SCAMP1: variants seen among roughly 807,000 people sequenced by gnomAD.
The protein encoded by SCAMP1 is secretory carrier membrane protein 1, also known as secretory carrier-associated membrane protein 1.
A neutral mutation model predicts 41.8 loss-of-function variants in SCAMP1; 15 were observed. That is an observed-to-expected ratio of 0.36 (90% CI 0.24 to 0.55). The LOEUF is 0.55. Ranked by LOEUF, SCAMP1 falls within the 20% of genes least tolerant of loss-of-function variation. The pLI is 0.86. For synonymous variants in SCAMP1, 135 were observed against 136.8 expected, an observed-to-expected ratio of 0.99 and a Z score of 0.09; for missense variants, 341 against 412.6, an observed-to-expected ratio of 0.83 and a Z score of 1.50.
intron 6 of SCAMP1, among the ~76,000 whole-genome samples, chr5:78,426,092 G>C (rs1414769661): frequency 1.1e-4 from 16 of 152,110 alleles, no homozygotes. Flanking sequence ...ATGGCTTCCA[G>C]ATTCCTCCAT....
chr5:78,479,813 T>C lies in SCAMP1; in HGVS notation c.*4145T>C, dbSNP rs370090602. Among the ~76,000 whole-genome samples the C allele has an allele frequency of 7.1e-4, 108 of 152,086 alleles. 2 individuals are homozygous for C. In the East Asian group the frequency reaches 0.016, roughly 23 times the overall value. Reference sequence around the variant, plus strand: ...ATCCCAGCACTTTGGGAGGCCAAGGTGGGCGGATCACGAGGTCAGGAGATC... The same window carrying C: ...ATCCCAGCACTTTGGGAGGCCAAGGCGGGCGGATCACGAGGTCAGGAGATC... On this transcript the variant is annotated 3_prime_UTR_variant, in exon 9 of 9. Transcript: ENST00000621999.
At chr5:78,413,068 G>T (rs6453388) in intron 2 of SCAMP1, among the ~76,000 whole-genome samples, 1 of 152,094 alleles carries the variant, frequency 6.6e-6, no homozygotes, top group Admixed American at 6.5e-5. Context: ...CCCTGAAAGT[G>T]TTTAAGTTTT....
intron 8 of SCAMP1, among the ~76,000 whole-genome samples, chr5:78,465,876 T>C (rs951927310): frequency 6.6e-6 from 1 of 152,212 alleles, no homozygotes; most frequent in Admixed American, 6.5e-5. Context: ...AGTTGTGTTC[T>C]TAAGGCCTTT....
intron 2 of SCAMP1, among the ~76,000 whole-genome samples, chr5:78,399,691 C>A (rs1301616236): frequency 6.6e-6 from 1 of 152,176 alleles, no homozygotes; most frequent in Non-Finnish European, 1.5e-5. Context: ...GTTCTTGTAT[C>A]TTTTGGATAA....
At chr5:78,364,496 C>G (rs1211434438) in intron 1 of SCAMP1, among the ~76,000 whole-genome samples, 1 of 152,078 alleles carries the variant, frequency 6.6e-6, no homozygotes, top group Non-Finnish European at 1.5e-5. Context: ...ACAAAGCCCA[C>G]AGAGGCACAC....
intron 2 of SCAMP1, among the ~76,000 whole-genome samples, chr5:78,395,409 C>A (rs1368634950): frequency 6.6e-6 from 1 of 152,178 alleles, no homozygotes; most frequent in East Asian, 1.9e-4. Flanking sequence ...TTATCCCCTT[C>A]AATGGATCCA....
Position 78,388,859 on chromosome 5 carries a change from C to T in SCAMP1, c.80C>T (p.Thr27Ile). 1 of 1,552,582 alleles carries T rather than the reference C, an allele frequency of 6.4e-7. No individual in the cohort carries two copies. The highest frequency in any genetic ancestry group is 8.9e-7 in the Non-Finnish European group (1 of 1,129,210). ...PFKDPSVTQVTRNVPPGLDEY... is the reference protein window; with the variant it reads ...PFKDPSVTQVIRNVPPGLDEY... ...TAGGATCCATCAGTTACACAAGTGACAAGAAATGTTCCACCAGGACTTGAT... is the reference window on the plus strand; with the variant it reads ...TAGGATCCATCAGTTACACAAGTGATAAGAAATGTTCCACCAGGACTTGAT... The change falls in exon 2 of 9, where the codon ACA (threonine) becomes ATA (isoleucine). Residue 27 changes from threonine (T) to isoleucine (I), a missense_variant. Thr to Ile is a moderately conservative substitution (Grantham distance 89). Transcript: ENST00000621999.
chr5:78,360,895 A>C, intron 1 of SCAMP1, 167 bp downstream of exon 1: 3 of 652,262 alleles, frequency 4.6e-6, no homozygotes, highest in East Asian at 3.0e-5. Context: ...GCCCCGTGTC[A>C]CTCCTTTGGG....
intron 1 of SCAMP1, among the ~76,000 whole-genome samples, chr5:78,365,399 G>A (rs1333693990): frequency 6.0e-5 from 9 of 149,214 alleles, no homozygotes; most frequent in Non-Finnish European, 1.0e-4. Context: ...GCTTGAACCT[G>A]GGAGGTGGAG....
At chr5:78,464,922 G>T (rs1180789181) in intron 8 of SCAMP1, among the ~76,000 whole-genome samples, 1 of 152,140 alleles carries the variant, frequency 6.6e-6, no homozygotes. Context: ...TTCTATTCTT[G>T]TCAGACTGTA....
intron 3 of SCAMP1, among the ~76,000 whole-genome samples, chr5:78,416,018 T>C (rs1319409432): frequency 1.3e-5 from 2 of 152,232 alleles, no homozygotes; most frequent in African/African-American, 4.8e-5. Flanking sequence ...ATTAATAAGA[T>C]GCCTGATAGC....
At chr5:78,411,475 T>TC (rs1752075282) in intron 2 of SCAMP1, among the ~76,000 whole-genome samples, 1 of 152,166 alleles carries the variant, frequency 6.6e-6, no homozygotes, top group Admixed American at 6.5e-5. Context: ...CCAGAAATAA[T>TC]CCCTATTAAC....
At chr5:78,410,241 A>T (rs555395793) in intron 2 of SCAMP1, among the ~76,000 whole-genome samples, 28 of 151,956 alleles carry the variant, frequency 1.8e-4, no homozygotes, top group African/African-American at 6.8e-4. Context: ...CTAAGTATTA[A>T]ACCCAGCATT....
intron 1 of SCAMP1, among the ~76,000 whole-genome samples, chr5:78,387,760 G>C (rs925734574): frequency 1.3e-5 from 2 of 152,142 alleles, no homozygotes; most frequent in African/African-American, 4.8e-5. Flanking sequence ...GAGCTACTGG[G>C]CTCTGGGCTG....
Position 78,395,910 on chromosome 5 carries a change from A to G in SCAMP1, c.135+6996A>G, listed in dbSNP as rs142869298. On this transcript the variant is annotated intron_variant, in intron 2 of 8. Transcript: ENST00000621999. ...TTCTCTTGGTTAGAAGCATGTCACA[A>G]GTGCTGTATGCACTCAAGGGAAGGG... Among the ~76,000 whole-genome samples the G allele has an allele frequency of 2.0e-3, 311 of 152,380 alleles. 1 individual carries two copies. The highest frequency in any genetic ancestry group is 9.5e-3 in the Admixed American group (145 of 15,306).
intron 8 of SCAMP1, among the ~76,000 whole-genome samples, chr5:78,460,818 T>A (rs1176597382): frequency 2.0e-5 from 1 of 50,944 alleles, no homozygotes; most frequent in Admixed American, 1.6e-4. Flanking sequence ...CCTTCCTTCC[T>A]TCCTTTCTTG....
At chr5:78,395,691 C>T (rs1487757192) in intron 2 of SCAMP1, among the ~76,000 whole-genome samples, 3 of 152,170 alleles carry the variant, frequency 2.0e-5, no homozygotes, top group African/African-American at 7.2e-5. Context: ...TGCTGGCTAT[C>T]AGCTGGAGGC....
intron 8 of SCAMP1, 72 bp from the exon 9 acceptor site, chr5:78,475,432 G>A: frequency 3.5e-6 from 4 of 1,133,746 alleles, no homozygotes; most frequent in Non-Finnish European, 4.8e-6. Context: ...GATTAATGTT[G>A]AGATTAAGAG....
chr5:78,380,658 A>G (rs891605539), intron 1 of SCAMP1, among the ~76,000 whole-genome samples: 1 of 152,098 alleles, frequency 6.6e-6, no homozygotes, highest in African/African-American at 2.4e-5. Context: ...CTCTTTGGGT[A>G]TTTCCCCACA....
Sources: allele counts gnomAD v4.1 joint callset (sites outside exome capture counted in the v4.1 genomes callset), GRCh38; gene constraint gnomAD v4.1.1; transcripts MANE v1.5; gene names NCBI Gene and HGNC (gene_info 2026-07-23, HGNC 2026-07-21).